Variants in SUPT3H observed in about 807,000 individuals in gnomAD.
The protein encoded by SUPT3H is transcription initiation protein SPT3 homolog.
Under a neutral mutation model 44.3 loss-of-function variants are expected in SUPT3H, and 44 were observed. The observed-to-expected ratio is 0.99, with a 90% CI of 0.78 to 1.28. The LOEUF (loss-of-function observed/expected upper bound fraction) is 1.28, where lower values mean the gene tolerates loss of function less well. SUPT3H is among the 50% of genes most tolerant of loss of function. The pLI, the probability that SUPT3H is intolerant of heterozygous loss-of-function variation, is 0.00. For missense variants in SUPT3H, 380 were observed against 387.1 expected (o/e 0.98, Z 0.15); for synonymous variants, 124 against 125.6 (o/e 0.99, Z 0.09).
chr6:45,245,182 G>A (rs1362366964), intron 2 of SUPT3H, among the ~76,000 whole-genome samples: 1 of 152,088 alleles, frequency 6.6e-6, no homozygotes, highest in Middle Eastern at 3.4e-3. Flanking sequence ...ATCTATTTTG[G>A]TTAATCTGGG....
In SUPT3H at chr6:45,113,002, G is replaced by T. The variant is rs556401535; in HGVS notation, c.102-6996C>A. 2.4e-4 allele frequency among the ~76,000 whole-genome samples: 34 copies of T among 142,050 alleles called. No individual in the cohort carries two copies. In the South Asian group the frequency reaches 6.0e-3, roughly 25 times the overall value. 93.2% of individuals were successfully genotyped at this position (142,050 alleles called of 152,430 possible). ...TTAATTAGTTCTGGTTTTTTTGGAT[G>T]TTTTCCTACCCCAGGTAATTGACAT... On this transcript the variant is annotated intron_variant, in intron 2 of 10. Coordinates refer to ENST00000371459, the MANE Select transcript of SUPT3H (RefSeq NM_003599.4).
intron 2 of SUPT3H, among the ~76,000 whole-genome samples, chr6:45,286,652 A>G (rs1779334207): frequency 2.0e-5 from 3 of 152,182 alleles, no homozygotes; most frequent in Admixed American, 2.0e-4. Context: ...TGGGACTGTA[A>G]ACTAGTTCAA....
At chr6:44,856,793 A>C (rs566646027) in intron 10 of SUPT3H, among the ~76,000 whole-genome samples, 1 of 152,350 alleles carries the variant, frequency 6.6e-6, no homozygotes, top group African/African-American at 2.4e-5. Context: ...GCAACATGAC[A>C]TAACTTTTAA....
At chr6:45,234,357 C>T (rs1190892338) in intron 2 of SUPT3H, among the ~76,000 whole-genome samples, 1 of 151,584 alleles carries the variant, frequency 6.6e-6, no homozygotes, top group Non-Finnish European at 1.5e-5. Flanking sequence ...ATGGTGAAAC[C>T]CTGTCTCTAC....
At chr6:45,272,892 A>G (rs1415291911) in intron 2 of SUPT3H, among the ~76,000 whole-genome samples, 1 of 152,208 alleles carries the variant, frequency 6.6e-6, no homozygotes, top group Non-Finnish European at 1.5e-5. Flanking sequence ...GCTCTTGACC[A>G]GTCTGCTTTT....
At chr6:45,306,537 C>G (rs1226111594) in intron 2 of SUPT3H, among the ~76,000 whole-genome samples, 2 of 152,190 alleles carry the variant, frequency 1.3e-5, no homozygotes, top group African/African-American at 2.4e-5. Flanking sequence ...CATAGCAAAA[C>G]TAGCCCAAAA....
At chr6:45,284,192 G>A (rs538183664) in intron 2 of SUPT3H, among the ~76,000 whole-genome samples, 1 of 152,216 alleles carries the variant, frequency 6.6e-6, no homozygotes, top group South Asian at 2.1e-4. Context: ...AACTGGAGAA[G>A]CAAGAGCAAA....
chr6:44,869,780 C>T (rs974228777), intron 10 of SUPT3H, among the ~76,000 whole-genome samples: 8 of 152,216 alleles, frequency 5.3e-5, no homozygotes, highest in Non-Finnish European at 1.0e-4. Flanking sequence ...TACCTTCTGA[C>T]TGCTAAGAAT....
chr6:44,852,210 G>A (rs1257806268), intron 10 of SUPT3H, among the ~76,000 whole-genome samples: 25 of 152,142 alleles, frequency 1.6e-4, no homozygotes, highest in Admixed American at 1.6e-3. Context: ...GGGCACCTGA[G>A]GAAAAGTAAT....
chr6:45,332,921 T>C (rs1295703689), intron 2 of SUPT3H, among the ~76,000 whole-genome samples: 2 of 151,664 alleles, frequency 1.3e-5, no homozygotes, highest in Non-Finnish European at 3.0e-5. Context: ...TTTTCTCCTA[T>C]ACCAATGAAC....
intron 7 of SUPT3H, among the ~76,000 whole-genome samples, chr6:44,957,310 C>T (rs1775360793): frequency 6.6e-6 from 1 of 152,090 alleles, no homozygotes; most frequent in Non-Finnish European, 1.5e-5. Context: ...ATACCCAAAG[C>T]TGTCAAATAT....
chr6:45,040,658 T>G (rs1233936881), intron 3 of SUPT3H, among the ~76,000 whole-genome samples: 1 of 152,156 alleles, frequency 6.6e-6, no homozygotes, highest in Non-Finnish European at 1.5e-5. Context: ...AAATATTCTG[T>G]TTTTACTGTT....
chr6:44,853,411 G>T (rs1283987412), intron 10 of SUPT3H, among the ~76,000 whole-genome samples: 1 of 152,120 alleles, frequency 6.6e-6, no homozygotes, highest in African/African-American at 2.4e-5. Flanking sequence ...TATAATCCTA[G>T]CACTTTGGGA....
intron 2 of SUPT3H, among the ~76,000 whole-genome samples, chr6:45,283,260 T>C (rs549229176): frequency 5.9e-5 from 9 of 152,058 alleles, no homozygotes; most frequent in East Asian, 1.9e-4. Context: ...GTAAATGGGC[T>C]AAAGGCTCCA....
At chr6:44,843,933 AC>A (rs1561872452) in intron 10 of SUPT3H, among the ~76,000 whole-genome samples, 5 of 38,074 alleles carry the variant, frequency 1.3e-4, no homozygotes, top group Admixed American at 4.4e-4. Context: ...ACACGCACAC[AC>A]ACACACACAC....
intron 10 of SUPT3H, among the ~76,000 whole-genome samples, chr6:44,920,524 T>C (rs1768522425): frequency 1.4e-5 from 2 of 144,562 alleles, no homozygotes; most frequent in Non-Finnish European, 3.0e-5. Flanking sequence ...ACTGCACTAC[T>C]GCATCACAGC....
At chr6:45,169,204 TG>T (rs1169096738) in intron 2 of SUPT3H, among the ~76,000 whole-genome samples, 1 of 152,206 alleles carries the variant, frequency 6.6e-6, no homozygotes, top group Admixed American at 6.5e-5. Flanking sequence ...CCAAAATTAG[TG>T]GTATAATTTG....
At chr6:45,277,733 T>C (rs1401022990) in intron 2 of SUPT3H, among the ~76,000 whole-genome samples, 1 of 152,200 alleles carries the variant, frequency 6.6e-6, no homozygotes, top group Non-Finnish European at 1.5e-5. Context: ...AGTGATAGAC[T>C]GGATAAAGAA....
At chr6:44,996,226 A>T (rs1781251779) in intron 6 of SUPT3H, among the ~76,000 whole-genome samples, 2 of 151,832 alleles carry the variant, frequency 1.3e-5, no homozygotes, top group South Asian at 4.1e-4. Flanking sequence ...TACCACTCCC[A>T]TCTTACTTTT....
Sources: gnomAD v4.1 joint callset for allele counts (sites outside exome capture counted in the v4.1 genomes callset) on GRCh38, gnomAD v4.1.1 for gene constraint, MANE v1.5 for transcripts, NCBI Gene and HGNC (gene_info 2026-07-23, HGNC 2026-07-21) for gene names.